Variants in PIP5K1B observed in about 807,000 individuals in gnomAD.
PIP5K1B encodes phosphatidylinositol-4-phosphate 5-kinase type 1 beta, also known as phosphatidylinositol 4-phosphate 5-kinase type-1 beta.
Under a neutral mutation model 67.0 loss-of-function variants are expected in PIP5K1B, and 42 were observed. The observed-to-expected ratio is 0.63, with a 90% CI of 0.49 to 0.81. The LOEUF (loss-of-function observed/expected upper bound fraction) is 0.81, where lower values mean the gene tolerates loss of function less well. Among genes scored for constraint, PIP5K1B ranks in the 30% least tolerant of loss-of-function variants. The pLI, the probability that PIP5K1B is intolerant of heterozygous loss-of-function variation, is 0.00. For synonymous variants in PIP5K1B, 214 were observed against 231.4 expected (o/e 0.92, Z 0.68); for missense variants, 459 against 646.3 (o/e 0.71, Z 3.14).
At chr9:68,869,917 A>T (rs1371315977) in intron 5 of PIP5K1B, among the ~76,000 whole-genome samples, 1 of 152,248 alleles carries the variant, frequency 6.6e-6, no homozygotes, top group East Asian at 1.9e-4. Flanking sequence ...GGTAGAAGAC[A>T]AAGCTGCCAG....
chr9:68,861,993 A>T (rs372346865), intron 4 of PIP5K1B, among the ~76,000 whole-genome samples: 2 of 152,074 alleles, frequency 1.3e-5, no homozygotes, highest in South Asian at 2.1e-4. Context: ...ATAAAAGGGC[A>T]TGTGAAAAAA....
chr9:68,930,394 A>G (rs1826934657), intron 12 of PIP5K1B, among the ~76,000 whole-genome samples: 1 of 151,986 alleles, frequency 6.6e-6, no homozygotes, highest in Admixed American at 6.6e-5. Flanking sequence ...TCCACGTCTT[A>G]TGGAAGACCA....
chr9:68,772,221 A>G (rs976460076), intron 2 of PIP5K1B, among the ~76,000 whole-genome samples: 2 of 152,176 alleles, frequency 1.3e-5, no homozygotes, highest in African/African-American at 4.8e-5. Context: ...ATCCCTCTGG[A>G]TGTCAGCTAC....
At chr9:68,845,444 A>C (rs1034717928) in intron 4 of PIP5K1B, among the ~76,000 whole-genome samples, 23 of 152,112 alleles carry the variant, frequency 1.5e-4, no homozygotes, top group African/African-American at 5.1e-4. Flanking sequence ...GTTTTGGAGG[A>C]GAGTGCATCT....
intron 4 of PIP5K1B, among the ~76,000 whole-genome samples, chr9:68,852,250 A>G (rs115870175): frequency 0.014 from 2,095 of 152,280 alleles, 46 homozygotes; most frequent in African/African-American, 0.048. Context: ...AAAAAAAGAA[A>G]GACTCTGTTT....
chr9:68,938,624 TC>T (rs957718455), intron 13 of PIP5K1B, among the ~76,000 whole-genome samples: 17 of 152,306 alleles, frequency 1.1e-4, no homozygotes, highest in Admixed American at 1.0e-3. Context: ...GTGAATTTCA[TC>T]CCGTCATTAT....
chr9:68,786,923 T>A (rs541895757), intron 2 of PIP5K1B, among the ~76,000 whole-genome samples: 2 of 152,218 alleles, frequency 1.3e-5, no homozygotes, highest in South Asian at 2.1e-4. Flanking sequence ...AACCGGAAGG[T>A]TGGGATTCAG....
At position 68,992,128 on chromosome 9, in the gene PIP5K1B, G is replaced by C. The variant is rs971155833; in HGVS notation, c.1620+871G>C. The stretch of plus-strand genomic sequence containing the variant: ...TTACAGGCATGTGCCACCACGCCTG[G>C]CTAATTTTGTATTTTTAGTAGAGAC... On this transcript the variant is annotated intron_variant, in intron 15 of 15. Coordinates refer to ENST00000265382, the MANE Select transcript of PIP5K1B (RefSeq NM_003558.4). Among the ~76,000 whole-genome samples, 4 of 152,136 alleles carry C rather than the reference G, an allele frequency of 2.6e-5. No homozygotes were observed. The East Asian group carries it at 5.8e-4, about 22-fold the overall frequency.
intron 12 of PIP5K1B, 136 bp downstream of exon 12, chr9:68,923,522 C>A: frequency 3.5e-6 from 2 of 569,616 alleles, no homozygotes; most frequent in Admixed American, 3.4e-5. Flanking sequence ...GTTAAGTAAC[C>A]CAGTCAGGTG....
At chr9:68,813,357 G>A (rs1833268177) in intron 2 of PIP5K1B, among the ~76,000 whole-genome samples, 1 of 152,224 alleles carries the variant, frequency 6.6e-6, no homozygotes, top group African/African-American at 2.4e-5. Flanking sequence ...GAAGAGACGT[G>A]TTGACTATGA....
chr9:68,736,672 T>TA (rs1828752126), intron 1 of PIP5K1B, among the ~76,000 whole-genome samples: 1 of 152,202 alleles, frequency 6.6e-6, no homozygotes, highest in Admixed American at 6.5e-5. Context: ...ACTCCATCTT[T>TA]AAAGCCAGCA....
At chr9:68,854,033 A>G (rs969562848) in intron 4 of PIP5K1B, among the ~76,000 whole-genome samples, 130 of 149,968 alleles carry the variant, frequency 8.7e-4, no homozygotes, top group African/African-American at 3.0e-3. Flanking sequence ...AGTTTTTATT[A>G]TTATTATTAT....
Position 68,869,311 on chromosome 9 carries a change from C to T in PIP5K1B, c.200+5344C>T, listed in dbSNP as rs532748670. Among the ~76,000 whole-genome samples, 3 of 152,282 alleles carry T rather than the reference C, an allele frequency of 2.0e-5. No homozygotes were observed. In the South Asian group the frequency reaches 6.2e-4, roughly 32 times the overall value. On this transcript the variant is annotated intron_variant, in intron 5 of 15. Coordinates refer to ENST00000265382, the MANE Select transcript of PIP5K1B (RefSeq NM_003558.4). Reference sequence around the variant, plus strand: ...AGCACAAACCCTGTAGTGAACTGTGCATACAAGGGATCTAGGTTGTTTGCT... The same window carrying T: ...AGCACAAACCCTGTAGTGAACTGTGTATACAAGGGATCTAGGTTGTTTGCT...
intron 14 of PIP5K1B, among the ~76,000 whole-genome samples, chr9:68,976,680 G>A (rs1214293268): frequency 2.0e-5 from 3 of 152,200 alleles, no homozygotes; most frequent in East Asian, 3.9e-4. Context: ...AAACTGTTCT[G>A]CCTCAGATCA....
chr9:68,767,610 A>G (rs1458892888), intron 2 of PIP5K1B, among the ~76,000 whole-genome samples: 8 of 150,488 alleles, frequency 5.3e-5, no homozygotes, highest in East Asian at 3.9e-4. Context: ...AAAAAAAAAA[A>G]AAAGAAAAAG....
intron 2 of PIP5K1B, among the ~76,000 whole-genome samples, chr9:68,808,439 C>T (rs918186025): frequency 2.6e-5 from 4 of 152,056 alleles, no homozygotes; most frequent in East Asian, 3.8e-4. Flanking sequence ...CAGATACACA[C>T]AGATACATAC....
At chr9:68,812,843 G>A (rs1038861614) in intron 2 of PIP5K1B, among the ~76,000 whole-genome samples, 8 of 152,286 alleles carry the variant, frequency 5.3e-5, no homozygotes, top group South Asian at 4.1e-4. Flanking sequence ...GGATCTCCAC[G>A]TATTTACTTC....
intron 2 of PIP5K1B, among the ~76,000 whole-genome samples, chr9:68,776,473 CTATT>C (rs1445802259): frequency 6.7e-6 from 1 of 148,748 alleles, no homozygotes. Context: ...CATTTTTAAG[CTATT>C]TATTTATTTT....
intron 4 of PIP5K1B, among the ~76,000 whole-genome samples, chr9:68,862,295 C>T (rs755844115): frequency 2.6e-5 from 4 of 152,066 alleles, no homozygotes; most frequent in East Asian, 1.9e-4. Flanking sequence ...ACACTGCATT[C>T]GTGTTGACAG....
Sources: allele counts gnomAD v4.1 joint callset (sites outside exome capture counted in the v4.1 genomes callset), GRCh38; gene constraint gnomAD v4.1.1; transcripts MANE v1.5; gene names NCBI Gene and HGNC (gene_info 2026-07-23, HGNC 2026-07-21).